Variants in AFAP1L2 observed in about 807,000 individuals in gnomAD.
The protein encoded by AFAP1L2 is actin filament-associated protein 1-like 2.
Under a neutral mutation model 99.3 loss-of-function variants are expected in AFAP1L2, and 46 were observed. That is an observed-to-expected ratio of 0.46 (90% confidence interval 0.37 to 0.59). The LOEUF (loss-of-function observed/expected upper bound fraction) is 0.59. Among genes scored for constraint, AFAP1L2 ranks in the 20% least tolerant of loss-of-function variants. The probability of loss-of-function intolerance (pLI) is 0.00; values close to 1 mark genes in which losing one functional copy is unlikely to be tolerated. For synonymous variants in AFAP1L2, 397 were observed against 419.1 expected, an observed-to-expected ratio of 0.95 and a Z score of 0.64; for missense variants, 959 against 1,034.9, an observed-to-expected ratio of 0.93 and a Z score of 1.01.
At chr10:114,375,638 G>C (rs567959268) in intron 1 of AFAP1L2, among the ~76,000 whole-genome samples, 1 of 152,062 alleles carries the variant, frequency 6.6e-6, no homozygotes. Flanking sequence ...TAGCTTGAAG[G>C]CCCTTGGCTG....
intron 4 of AFAP1L2, among the ~76,000 whole-genome samples, chr10:114,330,924 G>C (rs190527196): frequency 8.4e-4 from 128 of 152,332 alleles, no homozygotes; most frequent in African/African-American, 2.4e-3. Flanking sequence ...CCCAGGTGCA[G>C]ATGGGGGAGG....
Position 114,363,050 on chromosome 10 carries a change from G to C in AFAP1L2, c.17-22319C>G, listed in dbSNP as rs1233156600. ...CACCAGAGAGGACTGTGCCCAGGCTGCTCTCCGCTGGGGTCGGCCCCTCAC... is the reference window on the plus strand; with the variant it reads ...CACCAGAGAGGACTGTGCCCAGGCTCCTCTCCGCTGGGGTCGGCCCCTCAC... On this transcript the variant is annotated intron_variant, in intron 1 of 18. Transcript: ENST00000304129. The C allele has an allele frequency of 6.1e-6, 6 of 985,312 alleles. No homozygotes were observed. The Admixed American group carries it at 3.7e-4, about 61-fold the overall frequency. 61.0% of individuals were successfully genotyped at this position (985,312 alleles called of 1,614,324 possible).
intron 4 of AFAP1L2, among the ~76,000 whole-genome samples, chr10:114,324,157 G>T (rs1475317837): frequency 6.6e-6 from 1 of 152,174 alleles, no homozygotes; most frequent in Non-Finnish European, 1.5e-5. Context: ...AAACAACCAT[G>T]GGGGAGAAAA....
At chr10:114,285,910 G>A in the AFAP1L2 span, 1,810 of 1,554,356 alleles carry the variant, frequency 1.2e-3, 15 homozygotes, top group African/African-American at 0.022. Flanking sequence ...ACCATGGCTT[G>A]ACAGTGGGTG....
At position 114,386,618 on chromosome 10, in the gene AFAP1L2, C is replaced by T. The variant is rs548298457; in HGVS notation, c.16+17822G>A. On this transcript the variant is annotated intron_variant, in intron 1 of 18. Coordinates refer to ENST00000304129, the MANE Select transcript of AFAP1L2 (RefSeq NM_001001936.3). ...GTGAGATGAATGTGTCCCAAGCAGC[C>T]CTGCCCTACCCAGGCAGCAGCCGGA... Among the ~76,000 whole-genome samples, 5 of 152,084 alleles carry T rather than the reference C, an allele frequency of 3.3e-5. No homozygotes were observed. In the East Asian group the frequency reaches 9.7e-4, roughly 29 times the overall value.
chr10:114,352,485 A>ACAAAAAAC (rs1310151567), intron 1 of AFAP1L2, among the ~76,000 whole-genome samples: 2 of 149,114 alleles, frequency 1.3e-5, no homozygotes, highest in African/African-American at 4.9e-5. Flanking sequence ...AAATTAAAAA[A>ACAAAAAAC]AAAAAAAAAA....
intron 1 of AFAP1L2, among the ~76,000 whole-genome samples, chr10:114,390,684 G>A (rs2057028690): frequency 7.2e-6 from 1 of 139,706 alleles, no homozygotes; most frequent in Admixed American, 7.7e-5. Context: ...TCACGCCACT[G>A]TACTCCAGCC....
intron 4 of AFAP1L2, among the ~76,000 whole-genome samples, chr10:114,327,932 G>A (rs773359435): frequency 5.5e-4 from 84 of 152,212 alleles, no homozygotes; most frequent in Non-Finnish European, 8.2e-4. Context: ...AGCCTCCGAG[G>A]CTAGCCACGG....
chr10:114,327,147 T>TTATTTATATATATATATATATATATATA (rs1554902752), intron 4 of AFAP1L2, among the ~76,000 whole-genome samples: 3 of 54,538 alleles, frequency 5.5e-5, no homozygotes, highest in Non-Finnish European at 9.7e-5. Flanking sequence ...TTATATATAT[T>TTATTTATATATATATATATATATATATA]TATATATATA....
chr10:114,344,931 T>C (rs1285600623), intron 1 of AFAP1L2, among the ~76,000 whole-genome samples: 3 of 151,874 alleles, frequency 2.0e-5, no homozygotes, highest in Admixed American at 6.6e-5. Context: ...ACCCTGTCTC[T>C]ACTAAAAATA....
chr10:114,334,433 C>A lies in AFAP1L2; in HGVS notation c.146-1138G>T, dbSNP rs980994848. Among the ~76,000 whole-genome samples the A allele has an allele frequency of 5.9e-5, 9 of 152,332 alleles. No homozygotes were observed. The East Asian group carries it at 1.7e-3, about 29-fold the overall frequency. On this transcript the variant is annotated intron_variant, in intron 2 of 18. Transcript: ENST00000304129. Reference sequence around the variant, plus strand: ...AGTGGTTAGAGACCGCGTTACTGAGCCAAAGGACCCAGTTCTAACCTCTGG... The same window carrying A: ...AGTGGTTAGAGACCGCGTTACTGAGACAAAGGACCCAGTTCTAACCTCTGG...
At chr10:114,300,784 A>C in intron 13 of AFAP1L2, 94 bp from the exon 14 acceptor site, 1 of 1,476,704 alleles carries the variant, frequency 6.8e-7, no homozygotes. Context: ...TCTGGTGCCC[A>C]TCTCACAGTG....
intron 1 of AFAP1L2, among the ~76,000 whole-genome samples, chr10:114,393,879 G>A (rs986261424): frequency 5.3e-5 from 8 of 152,352 alleles, no homozygotes; most frequent in East Asian, 1.9e-4. Context: ...TTTAGTCAAC[G>A]TTGAGCCTTC....
intron 1 of AFAP1L2, among the ~76,000 whole-genome samples, chr10:114,382,758 G>T (rs2055864267): frequency 6.6e-6 from 1 of 151,882 alleles, no homozygotes; most frequent in African/African-American, 2.4e-5. Context: ...ACCACACCTG[G>T]TTAATTTTGT....
intron 10 of AFAP1L2, among the ~76,000 whole-genome samples, chr10:114,305,883 GGCAGGAGGGGACGCGGGT>G (rs1430512548): frequency 1.5e-4 from 9 of 60,752 alleles, no homozygotes; most frequent in Admixed American, 1.2e-3. Flanking sequence ...GGGGCGCAGG[GGCAGGAGGGGACGCGGGT>G]GCAGGAGGGG....
intron 10 of AFAP1L2, among the ~76,000 whole-genome samples, chr10:114,306,316 C>T (rs1203014296): frequency 9.0e-6 from 1 of 111,460 alleles, no homozygotes; most frequent in Non-Finnish European, 1.8e-5. Context: ...GACGCAGATC[C>T]AGGAGGGGAC....
intron 1 of AFAP1L2, among the ~76,000 whole-genome samples, chr10:114,392,333 C>T (rs770241443): frequency 8.5e-5 from 13 of 152,272 alleles, no homozygotes; most frequent in Non-Finnish European, 1.9e-4. Context: ...AGACTGCAGT[C>T]AGCCATGACA....
chr10:114,334,907 A>G (rs1353659881), intron 2 of AFAP1L2, among the ~76,000 whole-genome samples: 1 of 152,262 alleles, frequency 6.6e-6, no homozygotes, highest in Non-Finnish European at 1.5e-5. Context: ...TCTTGTCTGC[A>G]TGACAAAATA....
At chr10:114,331,504 A>T (rs2047225137) in intron 4 of AFAP1L2, among the ~76,000 whole-genome samples, 1 of 152,178 alleles carries the variant, frequency 6.6e-6, no homozygotes, top group Non-Finnish European at 1.5e-5. Context: ...GCTGGTGACC[A>T]CAGCTGTTCA....
Sources: gnomAD v4.1 joint callset for allele counts (sites outside exome capture counted in the v4.1 genomes callset) on GRCh38, gnomAD v4.1.1 for gene constraint, MANE v1.5 for transcripts, NCBI Gene and HGNC (gene_info 2026-07-23, HGNC 2026-07-21) for gene names.